Variants in HECW2 observed in about 807,000 individuals in gnomAD.
HECW2 encodes the protein E3 ubiquitin-protein ligase HECW2.
A neutral mutation model predicts 175.2 loss-of-function variants in HECW2; 61 were observed. That is an observed-to-expected ratio of 0.35 (90% CI 0.28 to 0.43). The LOEUF (loss-of-function observed/expected upper bound fraction) is 0.43, where lower values mean the gene tolerates loss of function less well. HECW2 is among the 20% of genes least tolerant of loss of function. The probability of loss-of-function intolerance (pLI) is 1.00; values close to 1 mark genes in which losing one functional copy is unlikely to be tolerated. For synonymous variants in HECW2, 671 were observed against 731.0 expected (o/e 0.92, Z 1.32); for missense variants, 1,524 against 2,000.5 (o/e 0.76, Z 4.54).
intron 17 of HECW2, among the ~76,000 whole-genome samples, chr2:196,268,471 A>G (rs1689599470): frequency 6.6e-6 from 1 of 152,236 alleles, no homozygotes; most frequent in Non-Finnish European, 1.5e-5. Context: ...AAAAGCAGAA[A>G]GAAAACAAAA....
Position 196,424,130 on chromosome 2 carries a change from G to A in HECW2, c.292+9002C>T, listed in dbSNP as rs568965038. 1.1e-4 allele frequency among the ~76,000 whole-genome samples: 16 copies of A among 151,956 alleles called. 1 individual carries two copies. In the South Asian group the frequency reaches 2.5e-3, roughly 24 times the overall value. Reference sequence around the variant, plus strand: ...CTTTTTCATTATTATTATGCCTGTCGTGATGATCTCTGATCAGTGGTCTTT... The same window carrying A: ...CTTTTTCATTATTATTATGCCTGTCATGATGATCTCTGATCAGTGGTCTTT... On this transcript the variant is annotated intron_variant, in intron 2 of 28. Transcript: ENST00000644978.
chr2:196,583,515 T>A (rs758059836), intron 1 of HECW2, among the ~76,000 whole-genome samples: 74 of 152,140 alleles, frequency 4.9e-4, no homozygotes, highest in Non-Finnish European at 9.3e-4. Flanking sequence ...TCCAACAAGC[T>A]CCCTGGTGAT....
chr2:196,307,853 C>T, intron 11 of HECW2, 82 bp downstream of exon 11: 1 of 1,279,426 alleles, frequency 7.8e-7, no homozygotes, highest in Non-Finnish European at 1.0e-6. Flanking sequence ...ATCAAAGAGA[C>T]AACCATGTCT....
chr2:196,496,220 T>C (rs548943447), intron 1 of HECW2, among the ~76,000 whole-genome samples: 1 of 151,872 alleles, frequency 6.6e-6, no homozygotes, highest in African/African-American at 2.4e-5. Flanking sequence ...TGTGTGTGTG[T>C]CTGTGTGTGT....
Position 196,507,770 on chromosome 2 carries a change from A to G in HECW2, c.-35-74312T>C, listed in dbSNP as rs546801715. On this transcript the variant is annotated intron_variant, in intron 1 of 28. Coordinates refer to ENST00000644978, the MANE Select transcript of HECW2 (RefSeq NM_001348768.2). ...ACCTAAACATTACACCTAACAAAAC[A>G]GTCATGATTGGGAGAGAGAATGCTC... 5.9e-5 allele frequency among the ~76,000 whole-genome samples: 9 copies of G among 152,354 alleles called. No homozygotes were observed. The East Asian group carries it at 1.7e-3, about 29-fold the overall frequency.
chr2:196,442,827 T>G (rs973805574), intron 1 of HECW2, among the ~76,000 whole-genome samples: 5 of 152,144 alleles, frequency 3.3e-5, no homozygotes, highest in African/African-American at 1.2e-4. Flanking sequence ...AAATAAGATA[T>G]ATAATAATGT....
chr2:196,249,427 A>G (rs1419712031), intron 19 of HECW2, among the ~76,000 whole-genome samples: 2 of 150,402 alleles, frequency 1.3e-5, no homozygotes, highest in Non-Finnish European at 3.0e-5. Context: ...TCTCTTCTGC[A>G]CTTGAAAATA....
intron 2 of HECW2, among the ~76,000 whole-genome samples, chr2:196,376,188 T>C (rs1232587766): frequency 6.6e-6 from 1 of 152,232 alleles, no homozygotes; most frequent in African/African-American, 2.4e-5. Context: ...TCATAACTTA[T>C]TGGTCTCCAA....
At chr2:196,414,734 C>A (rs1695207343) in intron 2 of HECW2, among the ~76,000 whole-genome samples, 1 of 152,146 alleles carries the variant, frequency 6.6e-6, no homozygotes, top group South Asian at 2.1e-4. Flanking sequence ...AACAGTGCCC[C>A]AACACCAGCT....
chr2:196,226,137 G>A (rs982657777), intron 22 of HECW2, among the ~76,000 whole-genome samples: 5 of 152,176 alleles, frequency 3.3e-5, no homozygotes, highest in African/African-American at 9.6e-5. Context: ...TTTGGATCAT[G>A]GAGGCTGATC....
chr2:196,287,554 CT>C (rs947696161), intron 14 of HECW2, among the ~76,000 whole-genome samples: 5 of 152,062 alleles, frequency 3.3e-5, no homozygotes, highest in Middle Eastern at 3.4e-3. Flanking sequence ...AAAAAAGAGA[CT>C]TTTTTTTCTA....
chr2:196,354,358 T>C (rs1277872372), intron 2 of HECW2, among the ~76,000 whole-genome samples: 3 of 152,086 alleles, frequency 2.0e-5, no homozygotes, highest in Non-Finnish European at 4.4e-5. Context: ...GCTGTACCAG[T>C]GGTTGGAATG....
At chr2:196,527,211 G>T (rs1284949714) in intron 1 of HECW2, among the ~76,000 whole-genome samples, 5 of 152,218 alleles carry the variant, frequency 3.3e-5, no homozygotes, top group Admixed American at 6.5e-5. Flanking sequence ...TCTGAAAAGC[G>T]CAATATTCGG....
At chr2:196,457,294 T>C (rs528068838) in intron 1 of HECW2, among the ~76,000 whole-genome samples, 2 of 152,380 alleles carry the variant, frequency 1.3e-5, no homozygotes, top group African/African-American at 2.4e-5. Context: ...GCCTGATCCA[T>C]TCATTTTGAA....
chr2:196,432,012 T>C (rs1316014094), intron 2 of HECW2, among the ~76,000 whole-genome samples: 5 of 152,240 alleles, frequency 3.3e-5, no homozygotes, highest in Non-Finnish European at 7.3e-5. Flanking sequence ...ACAGGGCTTC[T>C]CAACAGTGGT....
At chr2:196,288,703 T>C (rs1055714728) in intron 14 of HECW2, 1 of 152,254 alleles carries the variant, frequency 6.6e-6, no homozygotes, top group Non-Finnish European at 1.5e-5. Context: ...TATAGATCCC[T>C]ACTTCTACCT....
At chr2:196,561,819 T>C (rs529522686) in intron 1 of HECW2, among the ~76,000 whole-genome samples, 1 of 152,150 alleles carries the variant, frequency 6.6e-6, no homozygotes, top group East Asian at 1.9e-4. Flanking sequence ...TGGGCAAAGA[T>C]TAGGAGGAAA....
At position 196,200,868 on chromosome 2, in the gene HECW2, A is replaced by C. The variant is rs993716253; in HGVS notation, c.*409T>G. Reference sequence around the variant, plus strand: ...GAAATATATTTACTTTTATTATATTATTTAACTTGCTCTAATTTGGAGATT... The same window carrying C: ...GAAATATATTTACTTTTATTATATTCTTTAACTTGCTCTAATTTGGAGATT... On this transcript the variant is annotated 3_prime_UTR_variant, in exon 29 of 29. Coordinates refer to ENST00000644978, the MANE Select transcript of HECW2 (RefSeq NM_001348768.2). 6.3e-6 allele frequency: 1 copy of C among 158,784 alleles called. No individual in the cohort carries two copies. The allele number at this position is 158,784 out of a possible 1,614,324, so 9.8% of individuals were successfully genotyped here. A position where few individuals can be genotyped will look rare whatever the true frequency, so the allele number is the denominator to read the frequency against.
intron 1 of HECW2, among the ~76,000 whole-genome samples, chr2:196,474,290 T>C (rs1448157823): frequency 6.6e-6 from 1 of 152,206 alleles, no homozygotes; most frequent in Non-Finnish European, 1.5e-5. Flanking sequence ...ACTATTCACA[T>C]GTACCACTTA....
Sources: gnomAD v4.1 joint callset for allele counts (sites outside exome capture counted in the v4.1 genomes callset) on GRCh38, gnomAD v4.1.1 for gene constraint, MANE v1.5 for transcripts, NCBI Gene and HGNC (gene_info 2026-07-23, HGNC 2026-07-21) for gene names.